RAB11FIP5: variants seen among roughly 807,000 people sequenced by gnomAD.
The protein encoded by RAB11FIP5 is RAB11 family interacting protein 5, also known as rab11 family-interacting protein 5.
In RAB11FIP5, 48 loss-of-function variants were observed where a neutral mutation model predicts 85.1. That is an observed-to-expected ratio of 0.56 (90% CI 0.45 to 0.72). The LOEUF (loss-of-function observed/expected upper bound fraction) is 0.72. RAB11FIP5 is among the 30% of genes least tolerant of loss of function. RAB11FIP5 has a pLI of 0.00. For synonymous variants in RAB11FIP5, 729 were observed against 727.3 expected, an observed-to-expected ratio of 1.00 and a Z score of -0.04; for missense variants, 1,491 against 1,687.0, an observed-to-expected ratio of 0.88 and a Z score of 2.04.
intron 1 of RAB11FIP5, among the ~76,000 whole-genome samples, chr2:73,104,478 G>A (rs1684486802): frequency 6.6e-6 from 1 of 152,186 alleles, no homozygotes; most frequent in Non-Finnish European, 1.5e-5. Flanking sequence ...TGAGGCAGGA[G>A]AATCACTTGA....
chr2:73,104,595 T>C (rs1396198284), intron 1 of RAB11FIP5, among the ~76,000 whole-genome samples: 1 of 151,830 alleles, frequency 6.6e-6, no homozygotes, highest in Non-Finnish European at 1.5e-5. Flanking sequence ...AAAACAAAAC[T>C]AAATAGGAAG....
At chr2:73,093,549 C>T (rs1684259495) in intron 1 of RAB11FIP5, among the ~76,000 whole-genome samples, 1 of 152,230 alleles carries the variant, frequency 6.6e-6, no homozygotes, top group Non-Finnish European at 1.5e-5. Context: ...CCTCTCTCAG[C>T]TCTCATCTGG....
At chr2:73,109,769 C>T (rs745915573) in intron 1 of RAB11FIP5, among the ~76,000 whole-genome samples, 1 of 152,148 alleles carries the variant, frequency 6.6e-6, no homozygotes, top group South Asian at 2.1e-4. Flanking sequence ...CTGTGTACTC[C>T]GTCACCCATG....
intron 3 of RAB11FIP5, among the ~76,000 whole-genome samples, chr2:73,084,660 C>T (rs959136350): frequency 6.6e-6 from 1 of 152,228 alleles, no homozygotes; most frequent in Non-Finnish European, 1.5e-5. Context: ...TTCTTAAACA[C>T]TACACCACAG....
chr2:73,097,344 C>T (rs1041126321), intron 1 of RAB11FIP5, among the ~76,000 whole-genome samples: 3 of 152,200 alleles, frequency 2.0e-5, no homozygotes, highest in Non-Finnish European at 4.4e-5. Flanking sequence ...GCCCCCCTCA[C>T]CCTCTTTCAT....
In RAB11FIP5 at chr2:73,088,132, G is replaced by A; in HGVS notation, c.1486C>T (p.His496Tyr). Residue 496 changes from histidine (H) to tyrosine (Y), a missense_variant, in exon 3 of 6, where the codon CAT (histidine) becomes TAT (tyrosine). Around this residue, in one of 3 missense-constraint regions of RAB11FIP5, gnomAD observed 1,211 missense variants for 1,338.0 expected, o/e 0.91. Transcript: ENST00000486777. Reference sequence around the variant, plus strand: ...TTTTCCTCCCCACTGGATGAGTGATGTGGGGAGGCCCCCAGGATGGGACCC... The same window carrying A: ...TTTTCCTCCCCACTGGATGAGTGATATGGGGAGGCCCCCAGGATGGGACCC... ...KGGPILGASP[H>Y]HSSSGEEKAK... 1 of 1,614,124 alleles carries A rather than the reference G, an allele frequency of 6.2e-7. No homozygotes were observed. Among genetic ancestry groups the A allele is most frequent in the African/African-American group, 1.3e-5 (1 of 75,064 alleles).
rs1683956646 is a variant in RAB11FIP5, at chr2:73,080,635, G to A, written c.2597C>T (p.Ser866Leu). The stretch of plus-strand genomic sequence containing the variant: ...CCCCTTGGGGCTCACAGTTTCTGGT[G>A]ATTCAGGCTGCACCTGGGGAGCAGG... The part of the protein sequence containing the change: ...DEPAPQVQPE[S>L]PETVSPKGSE... The change falls in exon 4 of 6, where the codon TCA (serine) becomes TTA (leucine). Residue 866 changes from serine (S) to leucine (L), a missense_variant. Physicochemically the swap from Ser to Leu is moderately radical, Grantham distance 145. This residue lies in a region of RAB11FIP5 where 1,211 missense variants were observed against 1,338.0 expected (regional missense o/e 0.91). Coordinates refer to ENST00000486777, the MANE Select transcript of RAB11FIP5 (RefSeq NM_001371272.1). 3 of 1,232,252 alleles carry A rather than the reference G, an allele frequency of 2.4e-6. No individual in the cohort carries two copies. In the African/African-American group the frequency reaches 4.7e-5, roughly 19 times the overall value. The allele number at this position is 1,232,252 out of a possible 1,614,324, so 76.3% of individuals were successfully genotyped here.
intron 1 of RAB11FIP5, among the ~76,000 whole-genome samples, chr2:73,103,632 C>G (rs1684470074): frequency 1.3e-5 from 2 of 152,262 alleles, no homozygotes; most frequent in East Asian, 1.9e-4. Context: ...AAATGGTGAT[C>G]CCCCTGTCTG....
rs899336138 is a variant in RAB11FIP5, at chr2:73,079,851, G to A, written c.3381C>T (p.Pro1127=). ...HRGGPSPPCS[P]LSEAWPLTTS... is the part of the protein sequence containing the mutation. ...TAGTCAGGGGCCAGGCTTCAGACAG[G>A]GGAGAGCATGGAGGGCTGGGCCCCC... The change falls in exon 4 of 6, where the codon CCC becomes CCT. Residue 1127 remains proline, a synonymous_variant. Coordinates refer to ENST00000486777, the MANE Select transcript of RAB11FIP5 (RefSeq NM_001371272.1). 1.9e-5 allele frequency: 24 copies of A among 1,232,252 alleles called. No individual in the cohort carries two copies. The highest frequency in any genetic ancestry group is 2.3e-5 in the Non-Finnish European group (23 of 988,152). The allele number at this position is 1,232,252 out of a possible 1,614,324, so 76.3% of individuals were successfully genotyped here.
At chr2:73,077,239 C>A (rs1219492540) in intron 4 of RAB11FIP5, among the ~76,000 whole-genome samples, 1 of 152,202 alleles carries the variant, frequency 6.6e-6, no homozygotes, top group African/African-American at 2.4e-5. Context: ...TCTGTGCTGC[C>A]CTAGCAGTGA....
intron 1 of RAB11FIP5, among the ~76,000 whole-genome samples, chr2:73,103,290 T>C (rs1684463038): frequency 6.6e-6 from 1 of 152,148 alleles, no homozygotes; most frequent in South Asian, 2.1e-4. Context: ...GAGTTCCCCC[T>C]GCCTCTGTGG....
intron 1 of RAB11FIP5, among the ~76,000 whole-genome samples, chr2:73,101,305 G>A (rs1684425682): frequency 6.6e-6 from 1 of 152,050 alleles, no homozygotes; most frequent in Non-Finnish European, 1.5e-5. Flanking sequence ...CGGAGGGGCG[G>A]GAACTTCCAA....
chr2:73,098,510 G>C (rs1684367065), intron 1 of RAB11FIP5, among the ~76,000 whole-genome samples: 2 of 152,322 alleles, frequency 1.3e-5, no homozygotes, highest in Middle Eastern at 3.4e-3. Flanking sequence ...ACATTCAGCA[G>C]GTGTGAGCAC....
chr2:73,079,992 T>C lies in RAB11FIP5; in HGVS notation c.3240A>G (p.Ala1080=), dbSNP rs1375649599. Residue 1080 remains alanine (A), a synonymous_variant, in exon 4 of 6, where the codon GCA becomes GCG. Coordinates refer to ENST00000486777, the MANE Select transcript of RAB11FIP5 (RefSeq NM_001371272.1). ...AAGATTCCCTCGACCCTGGCGGGGA[T>C]GCAGATGAGAGGCTGGGAGGATCTC... ...GSRDPPSLSS[A]SPPGSRESSI... 2.4e-6 allele frequency: 3 copies of C among 1,232,020 alleles called. No homozygotes were observed. The highest frequency in any genetic ancestry group is 3.1e-5 in the African/African-American group (2 of 64,352). The allele number at this position is 1,232,020 out of a possible 1,614,324, so 76.3% of individuals were successfully genotyped here.
At chr2:73,076,574 C>G (rs1245005942) in intron 4 of RAB11FIP5, among the ~76,000 whole-genome samples, 1 of 152,150 alleles carries the variant, frequency 6.6e-6, no homozygotes, top group Non-Finnish European at 1.5e-5. Context: ...GGTGACCAAC[C>G]CTCCCAAGTT....
rs968448090 is a variant in RAB11FIP5 at position 73,075,633 on chromosome 2, C to A, written c.3863G>T (p.Ser1288Ile). 1.4e-5 allele frequency: 22 copies of A among 1,613,896 alleles called. No individual in the cohort carries two copies. Among genetic ancestry groups the A allele is most frequent in the Non-Finnish European group, 1.6e-5 (19 of 1,179,968 alleles). ...CTCCTGCACATGCTCGTCCCGCTGGCTCAGCTCCCGCTCCCGCTGCAGGAG... is the reference window on the plus strand; with the variant it reads ...CTCCTGCACATGCTCGTCCCGCTGGATCAGCTCCCGCTCCCGCTGCAGGAG... Reference protein sequence around the residue: ...SLLLQRERELSQRDEHVQELE... With the variant: ...SLLLQRERELIQRDEHVQELE... Residue 1288 changes from serine (S) to isoleucine (I), a missense_variant, in exon 6 of 6, where the codon AGC (serine) becomes ATC (isoleucine). This residue lies in a region of RAB11FIP5 where 232 missense variants were observed against 259.1 expected (regional missense o/e 0.90). Transcript: ENST00000486777. The surrounding 1 kb of genome is among the most constrained non-coding windows in gnomAD (Gnocchi z 4.6).
rs112449952 is a variant in RAB11FIP5 at position 73,108,004 on chromosome 2, T to C, written c.431+4343A>G. Among the ~76,000 whole-genome samples, 290 of 152,300 alleles carry C rather than the reference T, an allele frequency of 1.9e-3. 3 individuals are homozygous for C. Among genetic ancestry groups the C allele is most frequent in the Middle Eastern group, 6.8e-3 (2 of 294 alleles). ...CTCAAAGACCATCCCAGCCTTAGGC[T>C]AATGGGATGCATGTCCCCTCAGGTG... On this transcript the variant is annotated intron_variant, in intron 1 of 5. Transcript: ENST00000486777.
chr2:73,076,795 G>A (rs1198594456), intron 4 of RAB11FIP5, among the ~76,000 whole-genome samples: 2 of 152,076 alleles, frequency 1.3e-5, no homozygotes, highest in African/African-American at 2.4e-5. Flanking sequence ...AAGCCTCTCC[G>A]CAGCAGCATG....
intron 1 of RAB11FIP5, among the ~76,000 whole-genome samples, chr2:73,100,211 A>G (rs1684400770): frequency 6.6e-6 from 1 of 152,094 alleles, no homozygotes; most frequent in South Asian, 2.1e-4. Context: ...GATAGGGAGG[A>G]AAACAAAACA....
Sources: allele counts gnomAD v4.1 joint callset (sites outside exome capture counted in the v4.1 genomes callset), GRCh38; gene constraint gnomAD v4.1.1; regional missense constraint gnomAD v4.1.1; non-coding constraint Gnocchi (gnomAD v3.1); transcripts MANE v1.5; gene names NCBI Gene and HGNC (gene_info 2026-07-23, HGNC 2026-07-21).